Variants in PSIP1 observed in about 807,000 individuals in gnomAD.
The protein encoded by PSIP1 is PC4 and SRSF1 interacting protein 1.
A neutral mutation model predicts 74.7 loss-of-function variants in PSIP1; 19 were observed. That is an observed-to-expected ratio of 0.25 (90% CI 0.18 to 0.37). The LOEUF is 0.37. Among genes scored for constraint, PSIP1 ranks in the 10% least tolerant of loss-of-function variants. The probability of loss-of-function intolerance (pLI) is 1.00; values close to 1 mark genes in which losing one functional copy is unlikely to be tolerated. For synonymous variants in PSIP1, 222 were observed against 195.3 expected, an observed-to-expected ratio of 1.14 and a Z score of -1.14; for missense variants, 601 against 614.3, an observed-to-expected ratio of 0.98 and a Z score of 0.23.
rs1469710182 is a variant in PSIP1, at chr9:15,510,239, G to A, written c.-51C>T. On this transcript the variant is annotated 5_prime_UTR_variant, in exon 2 of 16. Coordinates refer to ENST00000380733, the MANE Select transcript of PSIP1 (RefSeq NM_033222.5). ...GAAGCCCGGGAGGCGGCGAGGAGAT[G>A]CGGCGGCGCGGGGATGCGGGCGGCG... The A allele has an allele frequency of 3.2e-6, 5 of 1,557,518 alleles. No homozygotes were observed. The highest frequency in any genetic ancestry group is 2.2e-4 in the Middle Eastern group (1 of 4,488).
At chr9:15,508,991 G>T (rs1563904786) in intron 2 of PSIP1, among the ~76,000 whole-genome samples, 1 of 152,180 alleles carries the variant, frequency 6.6e-6, no homozygotes, top group Admixed American at 6.5e-5. Flanking sequence ...GGAAACTTGT[G>T]AACAGGAGTT....
Position 15,471,359 on chromosome 9 carries a change from C to G in PSIP1, c.977+1273G>C, listed in dbSNP as rs188931888. The G allele has an allele frequency of 4.5e-4, 696 of 1,559,926 alleles. 1 individual carries two copies. Among genetic ancestry groups the G allele is most frequent in the Non-Finnish European group, 5.7e-4 (654 of 1,139,790 alleles). ...AATAACAGGAGAAGGAAAGAAAACACAAATATTAGAATTTGAGAAAGTTAC... is the reference window on the plus strand; with the variant it reads ...AATAACAGGAGAAGGAAAGAAAACAGAAATATTAGAATTTGAGAAAGTTAC... On this transcript the variant is annotated intron_variant, in intron 10 of 15. Coordinates refer to ENST00000380733, the MANE Select transcript of PSIP1 (RefSeq NM_033222.5).
At chr9:15,476,449 G>C (rs1049067247) in intron 8 of PSIP1, among the ~76,000 whole-genome samples, 1 of 152,184 alleles carries the variant, frequency 6.6e-6, no homozygotes. Context: ...AGCGTGAAAT[G>C]ACTATCAAGG....
Position 15,486,948 on chromosome 9 carries a change from C to G in PSIP1, c.289-17G>C, listed in dbSNP as rs1472685417. On this transcript the variant is annotated splice_polypyrimidine_tract_variant and intron_variant, in intron 4 of 15. Transcript: ENST00000380733. ...AGTTGCTGCCTGTGAGCAATCAACT[C>G]TATTAATTTCAAAAAATAAGTTTTT... The G allele has an allele frequency of 3.3e-6, 5 of 1,497,910 alleles. No homozygotes were observed. In the South Asian group the frequency reaches 6.0e-5, roughly 18 times the overall value. 92.8% of individuals were successfully genotyped at this position (1,497,910 alleles called of 1,614,324 possible).
At chr9:15,482,722 C>T (rs187041630) in intron 6 of PSIP1, among the ~76,000 whole-genome samples, 76 of 152,314 alleles carry the variant, frequency 5.0e-4, no homozygotes, top group African/African-American at 1.7e-3. Flanking sequence ...TGTCTTTTGT[C>T]ATTTTAACAC....
intron 14 of PSIP1, among the ~76,000 whole-genome samples, chr9:15,467,773 A>C (rs1326555320): frequency 1.3e-5 from 2 of 152,226 alleles, no homozygotes; most frequent in Non-Finnish European, 2.9e-5. Context: ...TTAGTGAAAA[A>C]AGTAGAAGCT....
intron 3 of PSIP1, among the ~76,000 whole-genome samples, chr9:15,504,606 A>G (rs1260741111): frequency 5.9e-5 from 9 of 152,016 alleles, no homozygotes; most frequent in Admixed American, 6.6e-5. Flanking sequence ...GCGTGGTGGC[A>G]GGCACCTGTA....
chr9:15,508,311 T>C (rs970633909), intron 2 of PSIP1, among the ~76,000 whole-genome samples: 1 of 152,146 alleles, frequency 6.6e-6, no homozygotes, highest in South Asian at 2.1e-4. Context: ...GAAAAAGGAA[T>C]GTAACTGTTG....
chr9:15,505,099 C>T (rs111746891), intron 3 of PSIP1: 1,747 of 151,718 alleles, frequency 0.012, 15 homozygotes, highest in Middle Eastern at 0.024. Flanking sequence ...CCACCACAAA[C>T]GGCTAATTTT....
intron 3 of PSIP1, among the ~76,000 whole-genome samples, chr9:15,496,764 A>T (rs2132180522): frequency 6.6e-6 from 1 of 152,358 alleles, no homozygotes; most frequent in South Asian, 2.1e-4. Flanking sequence ...ACTTTTACAA[A>T]TGTAAATTCA....
intron 2 of PSIP1, among the ~76,000 whole-genome samples, chr9:15,509,605 C>T (rs942043325): frequency 1.3e-5 from 2 of 152,210 alleles, no homozygotes; most frequent in African/African-American, 4.8e-5. Context: ...AATATCCAGT[C>T]CTGAATCTGT....
chr9:15,506,326 T>C (rs534972599), intron 3 of PSIP1: 11 of 372,434 alleles, frequency 3.0e-5, no homozygotes, highest in Admixed American at 1.2e-4. Context: ...ATCATTCTTA[T>C]TGCTCAGAGA....
At chr9:15,498,900 G>GA (rs1408785511) in intron 3 of PSIP1, among the ~76,000 whole-genome samples, 5 of 151,962 alleles carry the variant, frequency 3.3e-5, no homozygotes, top group African/African-American at 1.2e-4. Flanking sequence ...AGACAAGTTT[G>GA]AAAAAAACAC....
chr9:15,471,051 A>G (rs974520240), intron 10 of PSIP1: 5 of 1,462,494 alleles, frequency 3.4e-6, no homozygotes, highest in African/African-American at 2.8e-5. Context: ...GAAGTCCTCA[A>G]TTTAGAATCT....
intron 3 of PSIP1, among the ~76,000 whole-genome samples, chr9:15,497,087 C>T (rs980255514): frequency 1.3e-5 from 2 of 151,920 alleles, no homozygotes; most frequent in African/African-American, 4.8e-5. Context: ...AACTTATGTT[C>T]ACAAAAAAAC....
Position 15,474,124 on chromosome 9 carries a change from G to A in PSIP1, c.743C>T (p.Pro248Leu), listed in dbSNP as rs188943134. 748 of 1,611,732 alleles carry A rather than the reference G, an allele frequency of 4.6e-4. 6 individuals are homozygous for A. The East Asian group carries it at 0.011, about 23-fold the overall frequency. Residue 248 changes from proline (P) to leucine (L), a missense_variant, in exon 9 of 16, where the codon CCG becomes CTG. This residue lies in a region of PSIP1 where 538 missense variants were observed against 507.6 expected (regional missense o/e 1.06). Coordinates refer to ENST00000380733, the MANE Select transcript of PSIP1 (RefSeq NM_033222.5). ...TTCTTTCTTCCCCTCTTTTTTATCC[G>A]GCTCTTTTCTTGGCTTATCTTCTTC... Reference protein sequence around the residue: ...QKEEDKPRKEPDKKEGKKEVE... With the variant: ...QKEEDKPRKELDKKEGKKEVE...
At chr9:15,491,126 A>T (rs1323948467) in intron 3 of PSIP1, among the ~76,000 whole-genome samples, 1 of 152,242 alleles carries the variant, frequency 6.6e-6, no homozygotes, top group Non-Finnish European at 1.5e-5. Flanking sequence ...TTTAATACAG[A>T]CTGCTAACTC....
At chr9:15,498,848 G>A (rs1000728231) in intron 3 of PSIP1, among the ~76,000 whole-genome samples, 2 of 151,956 alleles carry the variant, frequency 1.3e-5, no homozygotes, top group African/African-American at 2.4e-5. Context: ...CACAAAAGCA[G>A]GGCATAACTA....
chr9:15,493,029 G>A (rs1021942108), intron 3 of PSIP1, among the ~76,000 whole-genome samples: 2 of 152,198 alleles, frequency 1.3e-5, no homozygotes, highest in African/African-American at 4.8e-5. Context: ...GGTATGCCTT[G>A]GAGGTGTTTT....
Sources: gnomAD v4.1 joint callset for allele counts (sites outside exome capture counted in the v4.1 genomes callset) on GRCh38, gnomAD v4.1.1 for gene constraint, gnomAD v4.1.1 regional missense constraint, MANE v1.5 for transcripts, NCBI Gene and HGNC (gene_info 2026-07-23, HGNC 2026-07-21) for gene names.